ABTB3: variants seen among roughly 807,000 people sequenced by gnomAD.
The protein encoded by ABTB3 is ankyrin repeat- and BTB/POZ domain-containing protein 3.
the ABTB3 span, among the ~76,000 whole-genome samples, chr12:107,647,158 C>T: frequency 3.9e-5 from 6 of 151,990 alleles, no homozygotes; most frequent in East Asian, 1.9e-4. Context: ...AGCGAAATCC[C>T]GTCTCTACAA....
chr12:107,576,529 G>C, the ABTB3 span, among the ~76,000 whole-genome samples: 1 of 152,140 alleles, frequency 6.6e-6, no homozygotes, highest in Non-Finnish European at 1.5e-5. Flanking sequence ...GACTGGATTA[G>C]GGCCACTCTA....
chr12:107,395,373 G>A, the ABTB3 span, among the ~76,000 whole-genome samples: 8 of 152,110 alleles, frequency 5.3e-5, no homozygotes, highest in African/African-American at 7.2e-5. Context: ...TAAGACCACC[G>A]GAGGCTCAGA....
At chr12:107,582,212 T>C in the ABTB3 span, among the ~76,000 whole-genome samples, 99 of 152,168 alleles carry the variant, frequency 6.5e-4, no homozygotes, top group Non-Finnish European at 7.5e-4. Flanking sequence ...CGAGTCAAAG[T>C]CATAATTGCT....
chr12:107,654,863 G>A, the ABTB3 span, among the ~76,000 whole-genome samples: 1 of 118,824 alleles, frequency 8.4e-6, no homozygotes, highest in Non-Finnish European at 1.7e-5. Context: ...CACACACAGT[G>A]TTCTAGTTAA....
chr12:107,635,870 CCACACACACACACACA>C, the ABTB3 span, among the ~76,000 whole-genome samples: 1 of 115,156 alleles, frequency 8.7e-6, no homozygotes, highest in Non-Finnish European at 1.8e-5. Flanking sequence ...CCCCACCCAC[CCACACACACACACACA>C]CACACACACA....
the ABTB3 span, among the ~76,000 whole-genome samples, chr12:107,345,585 G>C: frequency 2.0e-5 from 3 of 152,320 alleles, no homozygotes; most frequent in South Asian, 6.2e-4. Flanking sequence ...ACTGGCTTGG[G>C]CCAGATAGGA....
the ABTB3 span, chr12:107,581,160 T>A: frequency 6.5e-7 from 1 of 1,537,542 alleles, no homozygotes; most frequent in Non-Finnish European, 8.8e-7. Context: ...AGGCCCTTCC[T>A]CGTGCTGCCG....
chr12:107,579,597 C>T, the ABTB3 span, among the ~76,000 whole-genome samples: 2 of 152,200 alleles, frequency 1.3e-5, no homozygotes, highest in African/African-American at 4.8e-5. Context: ...AAACTGGCAC[C>T]TGCCACCAAA....
At chr12:107,652,520 C>G in the ABTB3 span, among the ~76,000 whole-genome samples, 1 of 152,230 alleles carries the variant, frequency 6.6e-6, no homozygotes, top group Non-Finnish European at 1.5e-5. Context: ...GCTGTAAGCA[C>G]TGCTGAAGTC....
the ABTB3 span, among the ~76,000 whole-genome samples, chr12:107,509,431 G>A: frequency 1.9e-5 from 2 of 105,710 alleles, no homozygotes; most frequent in Non-Finnish European, 3.8e-5. Flanking sequence ...AAAAATATTT[G>A]TGAATCATTT....
chr12:107,459,890 G>T, the ABTB3 span, among the ~76,000 whole-genome samples: 9 of 152,274 alleles, frequency 5.9e-5, no homozygotes, highest in South Asian at 1.5e-3. Flanking sequence ...TGGCCCTCCC[G>T]CCCTGCAGAC....
chr12:107,406,794 G>C, the ABTB3 span, among the ~76,000 whole-genome samples: 2 of 151,910 alleles, frequency 1.3e-5, no homozygotes. Flanking sequence ...TCCAGATGTT[G>C]CTTTGAAAAA....
chr12:107,493,283 A>G, the ABTB3 span, among the ~76,000 whole-genome samples: 2 of 152,094 alleles, frequency 1.3e-5, no homozygotes, highest in East Asian at 1.9e-4. Flanking sequence ...CTTCACTGTC[A>G]TGGGCCAGAG....
At chr12:107,393,646 A>G in the ABTB3 span, among the ~76,000 whole-genome samples, 1 of 152,258 alleles carries the variant, frequency 6.6e-6, no homozygotes, top group Non-Finnish European at 1.5e-5. Context: ...AATGAATGAT[A>G]AAGGCTGGGT....
At chr12:107,451,578 G>C in the ABTB3 span, among the ~76,000 whole-genome samples, 1 of 152,158 alleles carries the variant, frequency 6.6e-6, no homozygotes, top group Non-Finnish European at 1.5e-5. Flanking sequence ...TCGCGGTAAA[G>C]TCTGAGCTCC....
chr12:107,426,551 A>G, the ABTB3 span, among the ~76,000 whole-genome samples: 3 of 152,132 alleles, frequency 2.0e-5, no homozygotes. Flanking sequence ...AGCAACATCC[A>G]GATGTCCTCT....
the ABTB3 span, chr12:107,617,380 T>C: frequency 6.2e-7 from 1 of 1,614,188 alleles, no homozygotes; most frequent in Non-Finnish European, 8.5e-7. Flanking sequence ...ATGGAATTTC[T>C]ACAACCCCCC....
At chr12:107,347,899 T>A in the ABTB3 span, among the ~76,000 whole-genome samples, 1 of 151,854 alleles carries the variant, frequency 6.6e-6, no homozygotes, top group African/African-American at 2.4e-5. Flanking sequence ...TAATGCAGGG[T>A]GGTAACCACA....
At chr12:107,401,468 C>T in the ABTB3 span, among the ~76,000 whole-genome samples, 1 of 152,114 alleles carries the variant, frequency 6.6e-6, no homozygotes, top group African/African-American at 2.4e-5. Flanking sequence ...ATATTCAATA[C>T]CAGGAACACC....
Sources: gnomAD v4.1 joint callset for allele counts (sites outside exome capture counted in the v4.1 genomes callset) on GRCh38, gnomAD v4.1.1 for gene constraint, MANE v1.5 for transcripts, NCBI Gene and HGNC (gene_info 2026-07-23, HGNC 2026-07-21) for gene names.